The following CNTN4 variants were observed in gnomAD, a reference collection of about 807,000 sequenced individuals.
CNTN4 encodes contactin-4.
Under a neutral mutation model 122.5 loss-of-function variants are expected in CNTN4, and 77 were observed. The observed-to-expected ratio is 0.63, with a 90% CI of 0.52 to 0.76. CNTN4 has a LOEUF of 0.76. Ranked by LOEUF, CNTN4 falls within the 30% of genes least tolerant of loss-of-function variation. The probability of loss-of-function intolerance (pLI) is 0.00; values close to 1 mark genes in which losing one functional copy is unlikely to be tolerated. For missense variants in CNTN4, 1,256 were observed against 1,259.1 expected, an observed-to-expected ratio of 1.00 and a Z score of 0.04; for synonymous variants, 512 against 447.0, an observed-to-expected ratio of 1.15 and a Z score of -1.83.
Position 2,749,687 on chromosome 3 carries a change from T to A in CNTN4, c.358+3990T>A, listed in dbSNP as rs115692747. ...ATGTATAAAGTTAATTTGAGGGTGA[T>A]GTATTTTTATATACCCAAACCCACC... On this transcript the variant is annotated intron_variant, in intron 6 of 24. Coordinates refer to ENST00000418658, the MANE Select transcript of CNTN4 (RefSeq NM_175607.3). 7.9e-3 allele frequency among the ~76,000 whole-genome samples: 1,210 copies of A among 152,310 alleles called. 15 individuals are homozygous for A. The highest frequency in any genetic ancestry group is 0.027 in the African/African-American group (1,126 of 41,564).
intron 2 of CNTN4, among the ~76,000 whole-genome samples, chr3:2,250,128 C>G (rs1465059529): frequency 2.0e-5 from 3 of 151,810 alleles, no homozygotes; most frequent in Non-Finnish European, 4.4e-5. Context: ...ATATAATTGC[C>G]CTTTATAATT....
At chr3:2,181,933 A>C (rs1234443840) in intron 2 of CNTN4, among the ~76,000 whole-genome samples, 1 of 152,120 alleles carries the variant, frequency 6.6e-6, no homozygotes, top group Non-Finnish European at 1.5e-5. Context: ...TCTATATGTC[A>C]TTGCTGGTTC....
chr3:2,118,830 T>G (rs116093954), intron 2 of CNTN4, among the ~76,000 whole-genome samples: 2,065 of 152,346 alleles, frequency 0.014, 53 homozygotes, highest in African/African-American at 0.047. Context: ...ATGTTTCATT[T>G]TAAAAGTACA....
intron 2 of CNTN4, among the ~76,000 whole-genome samples, chr3:2,198,639 A>AAAT (rs1181696825): frequency 6.6e-6 from 1 of 152,214 alleles, no homozygotes; most frequent in Non-Finnish European, 1.5e-5. Flanking sequence ...GAGTATAAAA[A>AAAT]AATAAAATAT....
chr3:2,262,995 G>A (rs2040897347), intron 2 of CNTN4, among the ~76,000 whole-genome samples: 1 of 152,078 alleles, frequency 6.6e-6, no homozygotes, highest in Admixed American at 6.6e-5. Context: ...TGTAAGGAAA[G>A]TTCCCAGTAG....
intron 4 of CNTN4, among the ~76,000 whole-genome samples, chr3:2,720,037 T>C (rs1161194678): frequency 1.3e-5 from 2 of 152,120 alleles, no homozygotes; most frequent in Non-Finnish European, 2.9e-5. Context: ...AACTCAAGTG[T>C]CTATCTTCTA....
intron 3 of CNTN4, among the ~76,000 whole-genome samples, chr3:2,465,804 A>G (rs1184775979): frequency 1.3e-5 from 2 of 152,198 alleles, no homozygotes; most frequent in Non-Finnish European, 2.9e-5. Flanking sequence ...CTTGGATCAG[A>G]TGATATCTTT....
At chr3:2,621,643 T>C (rs1222775391) in intron 4 of CNTN4, among the ~76,000 whole-genome samples, 1 of 152,018 alleles carries the variant, frequency 6.6e-6, no homozygotes, top group African/African-American at 2.4e-5. Context: ...ACTTAAAGTA[T>C]AATAAAAAAA....
At chr3:2,960,942 C>T (rs1240248190) in intron 13 of CNTN4, among the ~76,000 whole-genome samples, 1 of 152,056 alleles carries the variant, frequency 6.6e-6, no homozygotes, top group Non-Finnish European at 1.5e-5. Flanking sequence ...AAGATAAAGG[C>T]CTATTGTGCC....
At chr3:2,720,998 A>C (rs1234841883) in intron 4 of CNTN4, among the ~76,000 whole-genome samples, 2 of 152,032 alleles carry the variant, frequency 1.3e-5, no homozygotes, top group Non-Finnish European at 1.5e-5. Flanking sequence ...TTTGAGACAG[A>C]GTCTTGCTCT....
intron 5 of CNTN4, among the ~76,000 whole-genome samples, chr3:2,738,866 C>A (rs894146583): frequency 3.2e-4 from 49 of 151,778 alleles, no homozygotes; most frequent in African/African-American, 1.2e-3. Flanking sequence ...CTAAATATGA[C>A]AGAAAAAATA....
intron 7 of CNTN4, among the ~76,000 whole-genome samples, chr3:2,855,108 T>C (rs78247136): frequency 0.012 from 1,816 of 152,304 alleles, 46 homozygotes; most frequent in African/African-American, 0.042. Flanking sequence ...TCCTGAATGT[T>C]GCTATGGGGT....
chr3:2,813,933 C>T (rs778142138), intron 6 of CNTN4, among the ~76,000 whole-genome samples: 13 of 152,172 alleles, frequency 8.5e-5, no homozygotes, highest in African/African-American at 1.2e-4. Flanking sequence ...CTTTTGTACA[C>T]GTCCACTCCT....
At chr3:2,806,632 C>G (rs1304370348) in intron 6 of CNTN4, among the ~76,000 whole-genome samples, 2 of 152,190 alleles carry the variant, frequency 1.3e-5, no homozygotes, top group African/African-American at 4.8e-5. Flanking sequence ...TTTTGTTTTG[C>G]TGGGGAGCTG....
At position 2,903,009 on chromosome 3, in the gene CNTN4, A is replaced by G; in HGVS notation, c.1207+4A>G. 1 of 1,613,542 alleles carries G rather than the reference A, an allele frequency of 6.2e-7. No individual in the cohort carries two copies. ...AACGCAGAGCTTAGTGTTATAGGTG[A>G]GTCTTTATACTGGCAAGAAAAAAAA... On this transcript the variant is annotated splice_donor_region_variant and intron_variant, in intron 12 of 24. Transcript: ENST00000418658.
chr3:2,685,741 G>C (rs1176888248), intron 4 of CNTN4, among the ~76,000 whole-genome samples: 1 of 151,880 alleles, frequency 6.6e-6, no homozygotes, highest in African/African-American at 2.4e-5. Flanking sequence ...GTTTTTCCTT[G>C]CTAGATTAAA....
chr3:2,150,415 C>A (rs1000607767), intron 2 of CNTN4, among the ~76,000 whole-genome samples: 1 of 152,040 alleles, frequency 6.6e-6, no homozygotes, highest in African/African-American at 2.4e-5. Context: ...TTTTTCCTTG[C>A]AATTTTTTTG....
intron 3 of CNTN4, among the ~76,000 whole-genome samples, chr3:2,567,527 T>A (rs1039850186): frequency 1.2e-4 from 19 of 152,190 alleles, no homozygotes; most frequent in African/African-American, 4.6e-4. Context: ...AGCTATGACG[T>A]TTCAACTTTG....
intron 3 of CNTN4, among the ~76,000 whole-genome samples, chr3:2,521,354 C>G (rs1283806447): frequency 1.4e-5 from 2 of 146,828 alleles, no homozygotes. Flanking sequence ...CCCCCCCACC[C>G]CCCGCAATAA....
Sources: allele counts gnomAD v4.1 joint callset (sites outside exome capture counted in the v4.1 genomes callset), GRCh38; gene constraint gnomAD v4.1.1; transcripts MANE v1.5; gene names NCBI Gene and HGNC (gene_info 2026-07-23, HGNC 2026-07-21).